The following NOMO2 variants were observed in gnomAD, a reference collection of about 807,000 sequenced individuals.
The protein encoded by NOMO2 is BOS complex subunit NOMO2.
A neutral mutation model predicts 67.1 loss-of-function variants in NOMO2; 14 were observed. The observed-to-expected ratio is 0.21, with a 90% CI of 0.14 to 0.33. The LOEUF is 0.33. NOMO2 is among the 10% of genes least tolerant of loss of function. The pLI is 1.00. For synonymous variants in NOMO2, 80 were observed against 305.9 expected (o/e 0.26, Z 7.71); for missense variants, 178 against 761.0 (o/e 0.23, Z 9.01).
At chr16:18,548,466 G>GA (rs1901702356) in intron 5 of NOMO2, among the ~76,000 whole-genome samples, 17 of 150,576 alleles carry the variant, frequency 1.1e-4, no homozygotes, top group South Asian at 2.1e-4. Context: ...GTATATTAAC[G>GA]GAGTTAGTAA....
chr16:18,557,350 G>C (rs867681815), intron 2 of NOMO2, among the ~76,000 whole-genome samples: 1 of 149,822 alleles, frequency 6.7e-6, no homozygotes, highest in African/African-American at 2.5e-5. Flanking sequence ...ATGAAATCAG[G>C]GTTTCTCAGC....
At chr16:18,545,381 G>A (rs1010852491) in intron 6 of NOMO2, among the ~76,000 whole-genome samples, 1 of 151,788 alleles carries the variant, frequency 6.6e-6, no homozygotes, top group Admixed American at 6.6e-5. Flanking sequence ...TACAGCATGA[G>A]CAACTGCACC....
intron 15 of NOMO2, chr16:18,528,033 G>A (rs1476327780): frequency 2.1e-6 from 1 of 474,602 alleles, no homozygotes. Context: ...TTAGCTCGCT[G>A]GTCCCAGGGC....
intron 16 of NOMO2, among the ~76,000 whole-genome samples, chr16:18,526,357 A>C (rs1036533396): frequency 6.6e-6 from 1 of 152,128 alleles, no homozygotes; most frequent in African/African-American, 2.4e-5. Context: ...AAACAATTTG[A>C]CAGTTTCTTA....
intron 9 of NOMO2, among the ~76,000 whole-genome samples, chr16:18,540,443 C>T (rs1442558856): frequency 6.6e-6 from 1 of 151,754 alleles, no homozygotes; most frequent in East Asian, 1.9e-4. Context: ...GGGCCCCATT[C>T]CCTGAAATTC....
At position 18,557,597 on chromosome 16, in the gene NOMO2, C is replaced by T; in HGVS notation, c.255+105G>A. ...ATTATCATATTCCACTAATAATTTA[C>T]AAAACAGATGAGCATTTGCTAGTGT... On this transcript the variant is annotated intron_variant, in intron 2 of 30. Transcript: ENST00000622306. 35 of 1,598,032 alleles carry T rather than the reference C, an allele frequency of 2.2e-5. 1 individual carries two copies. Among genetic ancestry groups the T allele is most frequent in the Non-Finnish European group, 2.6e-5 (30 of 1,170,128 alleles).
chr16:18,538,932 G>A lies in NOMO2; in HGVS notation c.996C>T (p.Thr332=), dbSNP rs750248419. 8.0e-5 allele frequency: 124 copies of A among 1,543,812 alleles called. No homozygotes were observed. Among genetic ancestry groups the A allele is most frequent in the Non-Finnish European group, 9.7e-5 (109 of 1,118,100 alleles). ...CTTCGGGTCCGTTCAAGACCCTCCC[G>A]GTGACGGAGAATCCCATGACGTGGA... is the stretch of plus-strand genomic sequence containing the variant. ...PVFHVMGFSV[T]GRVLNGPEGD... Residue 332 remains threonine (T), a synonymous_variant, in exon 10 of 31, where the codon ACC becomes ACT. Coordinates refer to ENST00000622306, the MANE Select transcript of NOMO2 (RefSeq NM_173614.4).
intron 16 of NOMO2, among the ~76,000 whole-genome samples, chr16:18,525,896 C>T (rs2141713934): frequency 6.6e-6 from 1 of 150,704 alleles, no homozygotes; most frequent in South Asian, 2.1e-4. Context: ...AGGGAAAGGC[C>T]TAAAGAATCA....
intron 14 of NOMO2, among the ~76,000 whole-genome samples, chr16:18,529,879 C>G (rs558728895): frequency 7.9e-5 from 12 of 151,600 alleles, no homozygotes; most frequent in African/African-American, 1.9e-4. Context: ...CTCTGGGAGG[C>G]TGACGGCAGT....
At chr16:18,536,076 G>A (rs1488403248) in intron 11 of NOMO2, among the ~76,000 whole-genome samples, 4 of 152,010 alleles carry the variant, frequency 2.6e-5, no homozygotes, top group Middle Eastern at 3.2e-3. Flanking sequence ...GATCATAGGC[G>A]TGAGCCACCA....
rs576727289 is a variant in NOMO2, at chr16:18,556,756, G to A, written c.255+946C>T. 3.3e-5 allele frequency among the ~76,000 whole-genome samples: 5 copies of A among 152,202 alleles called. 1 individual carries two copies. The East Asian group carries it at 9.6e-4, about 29-fold the overall frequency. On this transcript the variant is annotated intron_variant, in intron 2 of 30. Coordinates refer to ENST00000622306, the MANE Select transcript of NOMO2 (RefSeq NM_173614.4). Reference sequence around the variant, plus strand: ...CATGTGTGCTTGTGTGTATTTCCATGTATACATATGCATGTGTACCCGTGG... The same window carrying A: ...CATGTGTGCTTGTGTGTATTTCCATATATACATATGCATGTGTACCCGTGG...
intron 3 of NOMO2, among the ~76,000 whole-genome samples, chr16:18,553,167 G>A (rs1473337414): frequency 6.6e-6 from 1 of 151,730 alleles, no homozygotes; most frequent in African/African-American, 2.4e-5. Flanking sequence ...CTCATCTACT[G>A]AGGAAGCTGA....
intron 15 of NOMO2, among the ~76,000 whole-genome samples, chr16:18,528,488 A>T (rs1596844578): frequency 1.3e-5 from 2 of 151,936 alleles, no homozygotes; most frequent in South Asian, 4.2e-4. Context: ...AGAAACTAAG[A>T]CCTGACGATG....
At chr16:18,528,040 G>A in intron 15 of NOMO2, 1 of 471,982 alleles carries the variant, frequency 2.1e-6, no homozygotes, top group Non-Finnish European at 4.2e-6. Context: ...GCTGGTCCCA[G>A]GGCACATCTC....
intron 1 of NOMO2, chr16:18,558,724 A>G: frequency 2.4e-6 from 1 of 409,948 alleles, no homozygotes. Context: ...AAGATGCCCA[A>G]ATGCCATCTG....
rs758124083 is a variant in NOMO2 at position 18,538,565 on chromosome 16, G to A, written c.1181C>T (p.Ala394Val). 3 of 1,613,514 alleles carry A rather than the reference G, an allele frequency of 1.9e-6. No individual in the cohort carries two copies. The highest frequency in any genetic ancestry group is 2.5e-6 in the Non-Finnish European group (3 of 1,179,740). The change falls in exon 11 of 31, where the codon GCA (alanine) becomes GTA (valine). Residue 394 changes from alanine (A) to valine (V), a missense_variant. Coordinates refer to ENST00000622306, the MANE Select transcript of NOMO2 (RefSeq NM_173614.4). ...LYFETVTIKI[A>V]PNTPQLADIV... ...GTCAGCCAGCTGAGGTGTGTTCGGT[G>A]CAATTTTGATGGTGACCGTTTCAAA...
At chr16:18,537,054 C>T (rs538549939) in intron 11 of NOMO2, among the ~76,000 whole-genome samples, 1 of 152,146 alleles carries the variant, frequency 6.6e-6, no homozygotes, top group African/African-American at 2.4e-5. Flanking sequence ...CCACCTGGCA[C>T]TCTGTTTTTG....
intron 11 of NOMO2, among the ~76,000 whole-genome samples, chr16:18,536,240 T>C (rs912279091): frequency 6.6e-6 from 1 of 152,076 alleles, no homozygotes; most frequent in African/African-American, 2.4e-5. Flanking sequence ...TCCTATCCTA[T>C]GCAGGCCTCT....
rs754150062 is a variant in NOMO2 at position 18,533,160 on chromosome 16, T to A, written c.1240A>T (p.Ile414Leu). ...VATGFSVCGR[I>L]SIIRFPDTVK... ...GTGTCCGGGAAGCGAATGATTGATA[T>A]CCGACCACAGACACTGAACCTGCAA... Residue 414 changes from isoleucine to leucine, a missense_variant, in exon 12 of 31, where the codon ATA becomes TTA. Ile to Leu is a conservative substitution (Grantham distance 5). Coordinates refer to ENST00000622306, the MANE Select transcript of NOMO2 (RefSeq NM_173614.4). The A allele has an allele frequency of 3.1e-6, 5 of 1,611,398 alleles. No homozygotes were observed. In the South Asian group the frequency reaches 5.5e-5, roughly 18 times the overall value.
Sources: allele counts gnomAD v4.1 joint callset (sites outside exome capture counted in the v4.1 genomes callset), GRCh38; gene constraint gnomAD v4.1.1; transcripts MANE v1.5; gene names NCBI Gene and HGNC (gene_info 2026-07-23, HGNC 2026-07-21).